Variants in CDH1 observed in about 807,000 individuals in gnomAD.
The protein encoded by CDH1 is cadherin 1.
A neutral mutation model predicts 84.5 loss-of-function variants in CDH1; 35 were observed. That is an observed-to-expected ratio of 0.41 (90% CI 0.32 to 0.55). CDH1 has a LOEUF of 0.55. CDH1 is among the 20% of genes least tolerant of loss of function. The pLI, the probability that CDH1 is intolerant of heterozygous loss-of-function variation, is 0.19. For missense variants in CDH1, 994 were observed against 1,126.6 expected (o/e 0.88, Z 1.68); for synonymous variants, 417 against 439.0 (o/e 0.95, Z 0.63).
At chr16:68,832,199 AAAT>A (rs1961502684) in intron 15 of CDH1, among the ~76,000 whole-genome samples, 1 of 152,138 alleles carries the variant, frequency 6.6e-6, no homozygotes, top group Admixed American at 6.5e-5. Context: ...CTGGGTGATG[AAAT>A]AATCTGTACA....
intron 2 of CDH1, among the ~76,000 whole-genome samples, chr16:68,785,187 A>T (rs915238303): frequency 4.6e-5 from 7 of 152,108 alleles, no homozygotes; most frequent in Non-Finnish European, 7.4e-5. Context: ...TCTTTGAGAC[A>T]GAGTCTTGTT....
At chr16:68,818,866 A>AG (rs1961058795) in intron 10 of CDH1, among the ~76,000 whole-genome samples, 1 of 150,906 alleles carries the variant, frequency 6.6e-6, no homozygotes, top group East Asian at 1.9e-4. Context: ...AAAAAAAAAA[A>AG]AAAAGAAAGA....
At chr16:68,821,204 G>C (rs2152137769) in intron 11 of CDH1, among the ~76,000 whole-genome samples, 1 of 152,154 alleles carries the variant, frequency 6.6e-6, no homozygotes, top group Admixed American at 6.5e-5. Context: ...TGGGCGCAGT[G>C]GCTCACGCCT....
intron 2 of CDH1, among the ~76,000 whole-genome samples, chr16:68,753,024 T>C (rs549951572): frequency 6.6e-6 from 1 of 151,798 alleles, no homozygotes; most frequent in East Asian, 1.9e-4. Context: ...GGAAAGAGCT[T>C]GATGAGAGAC....
rs561088475 is a variant in CDH1, at chr16:68,802,029, A to T, written c.387+136A>T. 12 of 763,402 alleles carry T rather than the reference A, an allele frequency of 1.6e-5. No individual in the cohort carries two copies. In the South Asian group the frequency reaches 1.6e-4, roughly 10 times the overall value. The allele number at this position is 763,402 out of a possible 1,614,324, so 47.3% of individuals were successfully genotyped here. On this transcript the variant is annotated intron_variant, in intron 3 of 15. Transcript: ENST00000261769. ...GGGGTTGTCCTGTGCACTGTGTAGG[A>T]TGTTTAGCAAGCATCCCTGGCCTTA...
chr16:68,750,207 C>T (rs987587253), intron 2 of CDH1, among the ~76,000 whole-genome samples: 7 of 109,068 alleles, frequency 6.4e-5, no homozygotes, highest in South Asian at 3.0e-4. Context: ...CAGTTTCAGC[C>T]GGTTTCCCTC....
chr16:68,770,380 G>A (rs1959532519), intron 2 of CDH1, among the ~76,000 whole-genome samples: 1 of 152,230 alleles, frequency 6.6e-6, no homozygotes, highest in East Asian at 1.9e-4. Context: ...GGAGCCCAAA[G>A]CTCAGTCCGC....
rs754600872 is a variant in CDH1, at chr16:68,833,845, A to T, written c.*346A>T. The T allele has an allele frequency of 3.2e-4, 125 of 387,666 alleles. No individual in the cohort carries two copies. Among genetic ancestry groups the T allele is most frequent in the Non-Finnish European group, 3.8e-4 (80 of 211,138 alleles). The allele number at this position is 387,666 out of a possible 1,614,324, so 24.0% of individuals were successfully genotyped here. The stretch of plus-strand genomic sequence containing the variant: ...AGATTTTCTTAAGGAATTTTGTCTC[A>T]CTTTTAAAAAGAAGGGGAGAAGTCA... On this transcript the variant is annotated 3_prime_UTR_variant, in exon 16 of 16. Coordinates refer to ENST00000261769, the MANE Select transcript of CDH1 (RefSeq NM_004360.5).
intron 2 of CDH1, among the ~76,000 whole-genome samples, chr16:68,784,754 G>C (rs1479802779): frequency 6.6e-6 from 1 of 151,396 alleles, no homozygotes; most frequent in African/African-American, 2.4e-5. Context: ...TACAATATTT[G>C]GTTTTCCATT....
chr16:68,758,940 C>T (rs996651231), intron 2 of CDH1, among the ~76,000 whole-genome samples: 5 of 151,450 alleles, frequency 3.3e-5, no homozygotes, highest in Admixed American at 6.6e-5. Flanking sequence ...GGATTATAGG[C>T]GCCTGCCACC....
At chr16:68,806,810 C>G (rs1960675301) in intron 3 of CDH1, among the ~76,000 whole-genome samples, 1 of 152,184 alleles carries the variant, frequency 6.6e-6, no homozygotes, top group African/African-American at 2.4e-5. Context: ...GGCTGGGCTG[C>G]CTCTCTAGGA....
chr16:68,785,460 G>A (rs1960019760), intron 2 of CDH1, among the ~76,000 whole-genome samples: 1 of 152,120 alleles, frequency 6.6e-6, no homozygotes, highest in Non-Finnish European at 1.5e-5. Context: ...CCAAAGTGCT[G>A]GGATTATAGG....
intron 2 of CDH1, among the ~76,000 whole-genome samples, chr16:68,739,285 C>T (rs752385375): frequency 6.6e-6 from 1 of 151,918 alleles, no homozygotes; most frequent in Non-Finnish European, 1.5e-5. Context: ...GGCATGGTGG[C>T]GTGTGCCTGT....
chr16:68,774,933 A>G (rs1567489332), intron 2 of CDH1, among the ~76,000 whole-genome samples: 1 of 152,120 alleles, frequency 6.6e-6, no homozygotes, highest in Non-Finnish European at 1.5e-5. Context: ...CAAAACTTCT[A>G]ATTATGGAAA....
chr16:68,812,000 GGTT>G, intron 7 of CDH1, 132 bp from the exon 8 acceptor site: 1 of 1,480,198 alleles, frequency 6.8e-7, no homozygotes, highest in Non-Finnish European at 9.4e-7. Flanking sequence ...TGTGCCCAGA[GGTT>G]CCGTGCCTAG....
intron 2 of CDH1, among the ~76,000 whole-genome samples, chr16:68,772,882 G>A (rs1959619136): frequency 6.6e-6 from 1 of 152,016 alleles, no homozygotes. Context: ...AGCCATGATT[G>A]TGTCACTGGA....
intron 2 of CDH1, among the ~76,000 whole-genome samples, chr16:68,765,717 A>G (rs1256662380): frequency 1.4e-5 from 2 of 145,262 alleles, no homozygotes; most frequent in African/African-American, 2.5e-5. Context: ...AAGTATTTCT[A>G]GACATGTCAT....
At chr16:68,765,939 G>A (rs1246254374) in intron 2 of CDH1, among the ~76,000 whole-genome samples, 2 of 151,986 alleles carry the variant, frequency 1.3e-5, no homozygotes, top group Admixed American at 6.6e-5. Flanking sequence ...ATGTGAGATC[G>A]TTTAGTGTTT....
chr16:68,817,449 A>G (rs1251982474), intron 10 of CDH1, among the ~76,000 whole-genome samples: 1 of 152,214 alleles, frequency 6.6e-6, no homozygotes, highest in Non-Finnish European at 1.5e-5. Flanking sequence ...ATTGGGTGAA[A>G]ATTAGTTGCT....
Sources: gnomAD v4.1 joint callset for allele counts (sites outside exome capture counted in the v4.1 genomes callset) on GRCh38, gnomAD v4.1.1 for gene constraint, MANE v1.5 for transcripts, NCBI Gene and HGNC (gene_info 2026-07-23, HGNC 2026-07-21) for gene names.